The following RPS6KC1 variants were observed in gnomAD, a reference collection of about 807,000 sequenced individuals.
RPS6KC1 encodes inactive ribosomal protein S6 kinase delta-1.
Under a neutral mutation model 103.8 loss-of-function variants are expected in RPS6KC1, and 54 were observed. The ratio of observed to expected loss-of-function variants is 0.52; its 90% CI spans 0.42 to 0.65. The LOEUF (loss-of-function observed/expected upper bound fraction) is 0.65. RPS6KC1 is among the 30% of genes least tolerant of loss of function. The pLI is 0.00. For synonymous variants in RPS6KC1, 439 were observed against 438.7 expected, an observed-to-expected ratio of 1.00 and a Z score of -0.01; for missense variants, 1,151 against 1,253.8, an observed-to-expected ratio of 0.92 and a Z score of 1.24.
intron 6 of RPS6KC1, among the ~76,000 whole-genome samples, chr1:213,163,186 AGTT>A (rs957484162): frequency 1.3e-5 from 2 of 152,216 alleles, no homozygotes; most frequent in Non-Finnish European, 2.9e-5. Flanking sequence ...ATGTGACTAA[AGTT>A]GTTAACAACA....
the RPS6KC1 span, among the ~76,000 whole-genome samples, chr1:213,601,904 T>C: frequency 6.7e-6 from 1 of 148,558 alleles, no homozygotes; most frequent in African/African-American, 2.5e-5. Context: ...CTTCCCTCTT[T>C]CCCTTCCCTT....
At chr1:213,718,832 T>C in the RPS6KC1 span, among the ~76,000 whole-genome samples, 1 of 152,244 alleles carries the variant, frequency 6.6e-6, no homozygotes, top group Non-Finnish European at 1.5e-5. Context: ...ATTTGGATCC[T>C]ATAGTTCTGG....
At chr1:213,630,872 C>T in the RPS6KC1 span, among the ~76,000 whole-genome samples, 11 of 152,300 alleles carry the variant, frequency 7.2e-5, 1 homozygote, top group South Asian at 1.5e-3. Flanking sequence ...GTATAAGCAG[C>T]GGAGGCTGCA....
chr1:213,485,082 T>C, the RPS6KC1 span, among the ~76,000 whole-genome samples: 1 of 152,152 alleles, frequency 6.6e-6, no homozygotes, highest in Non-Finnish European at 1.5e-5. Flanking sequence ...CCCAAGCTGG[T>C]CTTGAACTCC....
the RPS6KC1 span, among the ~76,000 whole-genome samples, chr1:213,338,658 C>T: frequency 6.6e-6 from 1 of 152,158 alleles, no homozygotes; most frequent in African/African-American, 2.4e-5. Flanking sequence ...TCCTCAAGAT[C>T]TGGCATCTAT....
chr1:213,531,703 A>C, the RPS6KC1 span, among the ~76,000 whole-genome samples: 1 of 152,214 alleles, frequency 6.6e-6, no homozygotes, highest in South Asian at 2.1e-4. Context: ...CTATCAGTGG[A>C]AAGAAGTTTC....
At chr1:213,696,271 G>A in the RPS6KC1 span, among the ~76,000 whole-genome samples, 5 of 151,846 alleles carry the variant, frequency 3.3e-5, no homozygotes, top group Admixed American at 6.6e-5. Context: ...AGGCTGAGGC[G>A]GGCGGATCAC....
the RPS6KC1 span, among the ~76,000 whole-genome samples, chr1:213,317,138 A>T: frequency 6.6e-6 from 1 of 152,238 alleles, no homozygotes; most frequent in African/African-American, 2.4e-5. Flanking sequence ...ATGATATTAA[A>T]ATACAAATAT....
chr1:213,829,738 A>C, the RPS6KC1 span, among the ~76,000 whole-genome samples: 1 of 152,208 alleles, frequency 6.6e-6, no homozygotes, highest in Non-Finnish European at 1.5e-5. Context: ...TTCTTACTGG[A>C]ATAGGAGACA....
intron 5 of RPS6KC1, among the ~76,000 whole-genome samples, chr1:213,122,431 T>C (rs966031688): frequency 6.6e-6 from 1 of 152,208 alleles, no homozygotes; most frequent in African/African-American, 2.4e-5. Context: ...TTTCATTTAA[T>C]AGATTTAAAC....
At chr1:213,556,737 T>A in the RPS6KC1 span, among the ~76,000 whole-genome samples, 1 of 152,184 alleles carries the variant, frequency 6.6e-6, no homozygotes, top group Non-Finnish European at 1.5e-5. Context: ...ATTGCTTAAG[T>A]TTCATTGTCC....
the RPS6KC1 span, among the ~76,000 whole-genome samples, chr1:213,523,307 CA>C: frequency 4.6e-5 from 7 of 152,126 alleles, no homozygotes; most frequent in Non-Finnish European, 8.8e-5. Flanking sequence ...TCACTGACCA[CA>C]GATCACTGTA....
At chr1:213,283,835 A>C in the RPS6KC1 span, among the ~76,000 whole-genome samples, 57 of 152,312 alleles carry the variant, frequency 3.7e-4, no homozygotes, top group African/African-American at 1.3e-3. Flanking sequence ...TGCTTTAAAA[A>C]ACCACCAAAA....
intron 5 of RPS6KC1, among the ~76,000 whole-genome samples, chr1:213,126,697 T>C (rs1483651431): frequency 6.6e-6 from 1 of 152,154 alleles, no homozygotes; most frequent in Non-Finnish European, 1.5e-5. Flanking sequence ...TAAAAGAATA[T>C]GATTTTGTGG....
chr1:213,314,188 A>G, the RPS6KC1 span, among the ~76,000 whole-genome samples: 1 of 152,114 alleles, frequency 6.6e-6, no homozygotes, highest in Non-Finnish European at 1.5e-5. Flanking sequence ...ATCTGTCTTC[A>G]TATGGCATTT....
intron 8 of RPS6KC1, among the ~76,000 whole-genome samples, chr1:213,184,880 G>A (rs1267239159): frequency 6.6e-6 from 1 of 152,010 alleles, no homozygotes; most frequent in Non-Finnish European, 1.5e-5. Flanking sequence ...TTAAAAATTC[G>A]CTCATACTTG....
chr1:213,628,206 C>T, the RPS6KC1 span, among the ~76,000 whole-genome samples: 8 of 152,118 alleles, frequency 5.3e-5, no homozygotes, highest in South Asian at 4.2e-4. Flanking sequence ...AGTTTATTTG[C>T]GTAGAGGTGT....
chr1:213,208,509 C>T (rs1390997365), intron 8 of RPS6KC1, among the ~76,000 whole-genome samples: 1 of 152,094 alleles, frequency 6.6e-6, no homozygotes, highest in Non-Finnish European at 1.5e-5. Flanking sequence ...CTTTGCTTAT[C>T]TTTTTTCCAT....
chr1:213,504,183 G>A, the RPS6KC1 span, among the ~76,000 whole-genome samples: 1 of 152,084 alleles, frequency 6.6e-6, no homozygotes, highest in East Asian at 1.9e-4. Flanking sequence ...AATATAAAGG[G>A]AGGTGGGTCC....
Sources: gnomAD v4.1 joint callset for allele counts (sites outside exome capture counted in the v4.1 genomes callset) on GRCh38, gnomAD v4.1.1 for gene constraint, MANE v1.5 for transcripts, NCBI Gene and HGNC (gene_info 2026-07-23, HGNC 2026-07-21) for gene names.